LMX1B: variants seen among roughly 807,000 people sequenced by gnomAD.
LMX1B encodes LIM homeobox transcription factor 1 beta, also known as LIM homeobox transcription factor 1-beta.
In LMX1B, 12 loss-of-function variants were observed where a neutral mutation model predicts 51.4. The ratio of observed to expected loss-of-function variants is 0.23; its 90% CI spans 0.15 to 0.38. The LOEUF (loss-of-function observed/expected upper bound fraction) is 0.38. Ranked by LOEUF, LMX1B falls within the 10% of genes least tolerant of loss-of-function variation. LMX1B has a pLI of 1.00. For synonymous variants in LMX1B, 237 were observed against 235.4 expected (o/e 1.01, Z -0.06); for missense variants, 445 against 571.1 (o/e 0.78, Z 2.25).
rs979842726 is a variant in LMX1B, at chr9:126,695,710, A to G, written c.887-129A>G. ...CACCTGGGGAAGGGGCTGGGGAGTC[A>G]GTGTCTGGACAGCTTCAGCCAGAGT... On this transcript the variant is annotated intron_variant, in intron 6 of 7. Transcript: ENST00000373474. The surrounding 1 kb of genome is among the most constrained non-coding windows in gnomAD (Gnocchi z 5.2). 14 of 995,062 alleles carry G rather than the reference A, an allele frequency of 1.4e-5. No individual in the cohort carries two copies. In the African/African-American group the frequency reaches 2.1e-4, roughly 15 times the overall value. The allele number at this position is 995,062 out of a possible 1,614,324, so 61.6% of individuals were successfully genotyped here.
chr9:126,646,583 G>A (rs932699291), intron 2 of LMX1B, among the ~76,000 whole-genome samples: 8 of 152,230 alleles, frequency 5.3e-5, no homozygotes, highest in Non-Finnish European at 4.4e-5. Context: ...AGGTGGCCAG[G>A]TGCAGCCTGC....
chr9:126,682,557 GC>G (rs1175252188), intron 2 of LMX1B, among the ~76,000 whole-genome samples: 2 of 152,200 alleles, frequency 1.3e-5, no homozygotes, highest in East Asian at 3.9e-4. Flanking sequence ...CACTGCTCTA[GC>G]CCCGCCTCCA....
intron 2 of LMX1B, among the ~76,000 whole-genome samples, chr9:126,681,081 G>C (rs1364713182): frequency 1.3e-5 from 2 of 152,156 alleles, no homozygotes; most frequent in African/African-American, 2.4e-5. Context: ...TCGGAAGTCA[G>C]AGCCCCAAAG....
chr9:126,683,615 A>G (rs1836718343), intron 2 of LMX1B, among the ~76,000 whole-genome samples: 1 of 151,994 alleles, frequency 6.6e-6, no homozygotes. Flanking sequence ...CCCGCCCACA[A>G]CCATAACCTC....
intron 2 of LMX1B, among the ~76,000 whole-genome samples, chr9:126,616,625 A>G (rs548025745): frequency 2.2e-4 from 33 of 152,304 alleles, no homozygotes; most frequent in African/African-American, 6.7e-4. Flanking sequence ...TAGGCTGCTT[A>G]GGTGGTTTGG....
At chr9:126,676,185 T>C (rs1178830874) in intron 2 of LMX1B, among the ~76,000 whole-genome samples, 3 of 152,200 alleles carry the variant, frequency 2.0e-5, no homozygotes, top group East Asian at 1.9e-4. Flanking sequence ...TTATTTCTCA[T>C]TGATTCTCCT....
chr9:126,645,621 G>C (rs1034436884), intron 2 of LMX1B, among the ~76,000 whole-genome samples: 10 of 149,996 alleles, frequency 6.7e-5, no homozygotes, highest in African/African-American at 2.5e-4. Context: ...GATCCCTTAA[G>C]TCAGAGATGC....
chr9:126,631,763 A>C (rs573285908), intron 2 of LMX1B, among the ~76,000 whole-genome samples: 1 of 152,150 alleles, frequency 6.6e-6, no homozygotes, highest in East Asian at 1.9e-4. Context: ...GTGTGACCTT[A>C]GGTTAGAGGC....
chr9:126,688,266 G>A (rs922237057), intron 2 of LMX1B, among the ~76,000 whole-genome samples: 2 of 152,208 alleles, frequency 1.3e-5, no homozygotes, highest in African/African-American at 4.8e-5. Flanking sequence ...TAGCGCGGCT[G>A]TTCTGAGCAC....
intron 2 of LMX1B, among the ~76,000 whole-genome samples, chr9:126,666,714 C>T (rs892177395): frequency 2.6e-5 from 4 of 152,108 alleles, no homozygotes; most frequent in African/African-American, 9.7e-5. Flanking sequence ...AGTGGAGAGA[C>T]TCTGAAGACT....
In LMX1B at chr9:126,618,971, G is replaced by A. The variant is rs988008658; in HGVS notation, c.326+3402G>A. Among the ~76,000 whole-genome samples, 1 of 151,974 alleles carries A rather than the reference G, an allele frequency of 6.6e-6. No individual in the cohort carries two copies. The highest frequency in any genetic ancestry group is 2.4e-5 in the African/African-American group (1 of 41,392). ...GCGCTCCTACCTCGGCGGCGGGGCC[G>A]CGGCGTCCTTCCGCCCGCAGGGCCT... On this transcript the variant is annotated intron_variant, in intron 2 of 7. Transcript: ENST00000373474. The surrounding 1 kb of genome is among the most constrained non-coding windows in gnomAD (Gnocchi z 4.5).
intron 2 of LMX1B, among the ~76,000 whole-genome samples, chr9:126,674,174 G>A (rs927465807): frequency 2.6e-5 from 4 of 152,112 alleles, no homozygotes; most frequent in Non-Finnish European, 5.9e-5. Context: ...GCTCCTCCCC[G>A]CACCAGGGAG....
At chr9:126,653,119 T>C (rs984618424) in intron 2 of LMX1B, among the ~76,000 whole-genome samples, 3 of 149,238 alleles carry the variant, frequency 2.0e-5, no homozygotes, top group African/African-American at 4.9e-5. Flanking sequence ...CCCCTCTGTG[T>C]TTTGTTTTGT....
In LMX1B at chr9:126,614,704, G is replaced by A. The variant is rs557891117; in HGVS notation, c.139+116G>A. The A allele has an allele frequency of 2.1e-4, 243 of 1,172,798 alleles. 2 individuals carry two copies. The South Asian group carries it at 4.2e-3, about 20-fold the overall frequency. 72.6% of individuals were successfully genotyped at this position (1,172,798 alleles called of 1,614,324 possible). On this transcript the variant is annotated intron_variant, in intron 1 of 7. Coordinates refer to ENST00000373474, the MANE Select transcript of LMX1B (RefSeq NM_001174147.2). ...AGGAAATGGGTTTGCAGGACATGGG[G>A]AGGAGGCAGAGACAGGACTCCTGGA...
rs1835249925 is a variant in LMX1B at position 126,614,154 on chromosome 9, C to T, written c.-296C>T. 6.9e-6 allele frequency among the ~76,000 whole-genome samples: 1 copy of T among 144,560 alleles called. No individual in the cohort carries two copies. The highest frequency in any genetic ancestry group is 2.5e-5 in the African/African-American group (1 of 40,502). The allele number at this position is 144,560 out of a possible 152,430, so 94.8% of individuals were successfully genotyped here. A position where few individuals can be genotyped will look rare whatever the true frequency, so the allele number is the denominator to read the frequency against. On this transcript the variant is annotated 5_prime_UTR_variant, in exon 1 of 8. Coordinates refer to ENST00000373474, the MANE Select transcript of LMX1B (RefSeq NM_001174147.2). ...CGCCTCCTCCCCGCGGCTCCGTCTG[C>T]AGCAGCCGCCGCCGCCGGGTTCCGG... is the stretch of plus-strand genomic sequence containing the variant.
intron 2 of LMX1B, among the ~76,000 whole-genome samples, chr9:126,669,829 C>A (rs1350699079): frequency 6.6e-6 from 1 of 152,134 alleles, no homozygotes; most frequent in Non-Finnish European, 1.5e-5. Flanking sequence ...TCCTCAGGAT[C>A]TGGGCAGTCC....
At position 126,625,096 on chromosome 9, in the gene LMX1B, A is replaced by G. The variant is rs1235217512; in HGVS notation, c.326+9527A>G. On this transcript the variant is annotated intron_variant, in intron 2 of 7. Coordinates refer to ENST00000373474, the MANE Select transcript of LMX1B (RefSeq NM_001174147.2). The surrounding 1 kb of genome is among the most constrained non-coding windows in gnomAD (Gnocchi z 5.3). The stretch of plus-strand genomic sequence containing the variant: ...ACGGAGTGAACGACGGAAACTTGCC[A>G]TCCTAATCCCCTTATTCATGTCAAG... 2.0e-5 allele frequency among the ~76,000 whole-genome samples: 3 copies of G among 152,218 alleles called. No individual in the cohort carries two copies. Among genetic ancestry groups the G allele is most frequent in the African/African-American group, 7.2e-5 (3 of 41,464 alleles).
intron 2 of LMX1B, among the ~76,000 whole-genome samples, chr9:126,666,999 T>A (rs1435944978): frequency 6.6e-6 from 1 of 152,224 alleles, no homozygotes; most frequent in Admixed American, 6.5e-5. Context: ...GTATTTCTTA[T>A]AGATTTTTTA....
At chr9:126,617,123 A>G (rs1196977315) in intron 2 of LMX1B, among the ~76,000 whole-genome samples, 1 of 152,244 alleles carries the variant, frequency 6.6e-6, no homozygotes, top group Admixed American at 6.5e-5. Flanking sequence ...GCCCAAGCAT[A>G]GAGCAGCACA....
Sources: allele counts gnomAD v4.1 joint callset (sites outside exome capture counted in the v4.1 genomes callset), GRCh38; gene constraint gnomAD v4.1.1; non-coding constraint Gnocchi (gnomAD v3.1); transcripts MANE v1.5; gene names NCBI Gene and HGNC (gene_info 2026-07-23, HGNC 2026-07-21).